LARGE1: variants seen among roughly 807,000 people sequenced by gnomAD.
LARGE1 encodes the protein LARGE xylosyl- and glucuronyltransferase 1.
LARGE1 carries 43 observed loss-of-function variants against 87.6 expected under a neutral mutation model. The ratio of observed to expected loss-of-function variants is 0.49; its 90% confidence interval spans 0.38 to 0.63. The LOEUF (loss-of-function observed/expected upper bound fraction) is 0.63, where lower values mean the gene tolerates loss of function less well. LARGE1 is among the 30% of genes least tolerant of loss of function. The probability of loss-of-function intolerance (pLI) is 0.00; values close to 1 mark genes in which losing one functional copy is unlikely to be tolerated. For missense variants in LARGE1, 802 were observed against 1,000.2 expected, an observed-to-expected ratio of 0.80 and a Z score of 2.67; for synonymous variants, 434 against 394.6, an observed-to-expected ratio of 1.10 and a Z score of -1.18.
chr22:33,292,831 T>C (rs1218917617), intron 12 of LARGE1, among the ~76,000 whole-genome samples: 1 of 152,216 alleles, frequency 6.6e-6, no homozygotes, highest in Non-Finnish European at 1.5e-5. Context: ...ACTACTTCCC[T>C]AACTGTGCAA....
Position 33,283,272 on chromosome 22 carries a change from G to A in LARGE1, c.1807C>T (p.Arg603Trp). Reference protein sequence around the residue: ...IVPAFETLRYRLSFPKSKAEL... With the variant: ...IVPAFETLRYWLSFPKSKAEL... ...GCTTTTGACTTGGGGAAGGACAGCCGGTAGCGCAGTGTCTCGAACGCGGGG... is the reference window on the plus strand; with the variant it reads ...GCTTTTGACTTGGGGAAGGACAGCCAGTAGCGCAGTGTCTCGAACGCGGGG... The change falls in exon 13 of 15, where the codon CGG becomes TGG. Residue 603 changes from arginine (R) to tryptophan (W), a missense_variant. By Grantham distance (101) the Arg-to-Trp change is moderately radical. Transcript: ENST00000397394. 1.9e-6 allele frequency: 3 copies of A among 1,614,170 alleles called. No homozygotes were observed. Among genetic ancestry groups the A allele is most frequent in the Non-Finnish European group, 2.5e-6 (3 of 1,180,006 alleles).
intron 6 of LARGE1, among the ~76,000 whole-genome samples, chr22:33,506,435 C>A (rs571155060): frequency 4.6e-4 from 70 of 152,264 alleles, no homozygotes; most frequent in African/African-American, 1.5e-3. Flanking sequence ...TTCCTCCTCC[C>A]ATAGGCTGAA....
chr22:33,639,491 T>C (rs2080365745), intron 3 of LARGE1, among the ~76,000 whole-genome samples: 1 of 152,224 alleles, frequency 6.6e-6, no homozygotes, highest in Non-Finnish European at 1.5e-5. Context: ...GTGACACTCA[T>C]GCATAGTTAG....
At chr22:33,144,644 T>C in the LARGE1 span, among the ~76,000 whole-genome samples, 6 of 152,030 alleles carry the variant, frequency 3.9e-5, no homozygotes, top group Non-Finnish European at 8.8e-5. Flanking sequence ...CAGAGTGAAA[T>C]GAAAGCCACA....
At chr22:33,385,916 C>T (rs2065308289) in intron 7 of LARGE1, among the ~76,000 whole-genome samples, 1 of 148,860 alleles carries the variant, frequency 6.7e-6, no homozygotes. Context: ...AACTGATTTC[C>T]CCAAATCACA....
chr22:33,206,095 C>T (rs1051394213), intron 11 of LARGE1, among the ~76,000 whole-genome samples: 3 of 152,018 alleles, frequency 2.0e-5, no homozygotes, highest in Non-Finnish European at 4.4e-5. Flanking sequence ...GCTGGGACTA[C>T]AGGCGCCCGC....
chr22:33,715,159 T>C (rs566886372), intron 2 of LARGE1, among the ~76,000 whole-genome samples: 2 of 152,296 alleles, frequency 1.3e-5, no homozygotes, highest in South Asian at 4.1e-4. Flanking sequence ...CAAAAATGGA[T>C]GTCCAGAGAA....
intron 6 of LARGE1, among the ~76,000 whole-genome samples, chr22:33,495,286 T>C (rs1015007324): frequency 8.1e-4 from 123 of 152,322 alleles, no homozygotes; most frequent in African/African-American, 2.8e-3. Context: ...ACATCTTTCA[T>C]AGCACTGACC....
At chr22:33,384,074 G>A (rs2065245626) in intron 8 of LARGE1, 118 bp downstream of exon 8, 4 of 803,628 alleles carry the variant, frequency 5.0e-6, no homozygotes, top group Admixed American at 3.4e-5. Context: ...CTGTATCAGA[G>A]CACACAGAGT....
chr22:33,588,837 G>A (rs1005959069), intron 5 of LARGE1, among the ~76,000 whole-genome samples: 1 of 152,194 alleles, frequency 6.6e-6, no homozygotes, highest in African/African-American at 2.4e-5. Context: ...GGGAGGAACA[G>A]AAAACACACT....
chr22:33,422,333 C>A (rs950018269), intron 7 of LARGE1, among the ~76,000 whole-genome samples: 3 of 152,136 alleles, frequency 2.0e-5, no homozygotes, highest in Non-Finnish European at 4.4e-5. Flanking sequence ...AAAGAAAAGT[C>A]ATTTCATTGG....
chr22:33,148,193 A>G, the LARGE1 span, among the ~76,000 whole-genome samples: 1 of 152,180 alleles, frequency 6.6e-6, no homozygotes, highest in Non-Finnish European at 1.5e-5. Context: ...TCCAGACTTC[A>G]GAGCCTGGAG....
chr22:33,749,277 G>A (rs951647141), intron 2 of LARGE1, among the ~76,000 whole-genome samples: 1 of 152,140 alleles, frequency 6.6e-6, no homozygotes, highest in African/African-American at 2.4e-5. Context: ...ACCACGCCTG[G>A]ATAATTTTGT....
intron 10 of LARGE1, among the ~76,000 whole-genome samples, chr22:33,323,900 C>T (rs1312084085): frequency 2.0e-5 from 3 of 152,150 alleles, no homozygotes; most frequent in Admixed American, 6.6e-5. Flanking sequence ...GACTGCGTGG[C>T]TAATGTTATC....
intron 6 of LARGE1, among the ~76,000 whole-genome samples, chr22:33,498,753 C>CCT (rs1207529596): frequency 6.6e-6 from 1 of 152,076 alleles, no homozygotes; most frequent in Admixed American, 6.5e-5. Flanking sequence ...GGGCGGATCA[C>CCT]GAGGTCAGGA....
chr22:33,590,814 A>G (rs1294358324), intron 5 of LARGE1, among the ~76,000 whole-genome samples: 1 of 152,212 alleles, frequency 6.6e-6, no homozygotes, highest in African/African-American at 2.4e-5. Flanking sequence ...ATATCCACAT[A>G]CAAGTTTTCC....
intron 1 of LARGE1, among the ~76,000 whole-genome samples, chr22:33,837,069 C>T (rs1013120562): frequency 1.3e-5 from 2 of 152,146 alleles, no homozygotes; most frequent in African/African-American, 4.8e-5. Flanking sequence ...GAGTGAGCTT[C>T]GCCTCCAGCT....
chr22:33,236,158 C>T lies in LARGE1; in HGVS notation c.1730+68071G>A, dbSNP rs181915994. Among the ~76,000 whole-genome samples the T allele has an allele frequency of 1.9e-3, 295 of 152,294 alleles. 1 individual carries two copies. The highest frequency in any genetic ancestry group is 3.7e-3 in the Non-Finnish European group (252 of 68,024). On this transcript the variant is annotated intron_variant, in intron 11 of 11. Coordinates refer to the LARGE1 transcript ENST00000608642. ...CAAAAGGAACCAACTCTGCTGACAC[C>T]TTGACTTTGAACTTCTGACCTCCAG...
upstream of LARGE1, among the ~76,000 whole-genome samples, chr22:33,921,137 C>A (rs1170068717): frequency 6.6e-6 from 1 of 151,604 alleles, no homozygotes; most frequent in East Asian, 1.9e-4. The surrounding 1 kb of genome is among the most constrained non-coding windows in gnomAD (Gnocchi z 4.1). Flanking sequence ...CGGCCAATGG[C>A]AAGCGCCGCA....
Sources: gnomAD v4.1 joint callset for allele counts (sites outside exome capture counted in the v4.1 genomes callset) on GRCh38, gnomAD v4.1.1 for gene constraint, Gnocchi (gnomAD v3.1) non-coding constraint, MANE v1.5 for transcripts, NCBI Gene and HGNC (gene_info 2026-07-23, HGNC 2026-07-21) for gene names.